The following PCID2 variants were observed in gnomAD, a reference collection of about 807,000 sequenced individuals.
PCID2 encodes PCI domain-containing protein 2.
Under a neutral mutation model 61.3 loss-of-function variants are expected in PCID2, and 41 were observed. The observed-to-expected ratio is 0.67, with a 90% CI of 0.52 to 0.87. The LOEUF (loss-of-function observed/expected upper bound fraction) is 0.87, where lower values mean the gene tolerates loss of function less well. Among genes scored for constraint, PCID2 ranks in the 40% least tolerant of loss-of-function variants. The pLI is 0.00. For synonymous variants in PCID2, 187 were observed against 177.8 expected (o/e 1.05, Z -0.41); for missense variants, 392 against 493.4 (o/e 0.79, Z 1.95).
In PCID2 at chr13:113,190,986, A is replaced by T; in HGVS notation, c.364-11T>A. On this transcript the variant is annotated splice_polypyrimidine_tract_variant and intron_variant, in intron 6 of 13. Transcript: ENST00000337344. ...CAACTGTTGATCTGCCTAATAAAATATAAGAACTTTTATTTCATTTTTCCG... is the reference window on the plus strand; with the variant it reads ...CAACTGTTGATCTGCCTAATAAAATTTAAGAACTTTTATTTCATTTTTCCG... The T allele has an allele frequency of 1.3e-6, 2 of 1,585,050 alleles. No individual in the cohort carries two copies. The highest frequency in any genetic ancestry group is 1.7e-6 in the Non-Finnish European group (2 of 1,154,680).
At chr13:113,171,637 G>A in the PCID2 span, 12 of 1,614,012 alleles carry the variant, frequency 7.4e-6, no homozygotes, top group Middle Eastern at 1.6e-4. The surrounding 1 kb of genome is among the most constrained non-coding windows in gnomAD (Gnocchi z 5.1). Flanking sequence ...TCAAGATAAC[G>A]CACGTCCATG....
chr13:113,184,737 CA>C (rs1216419918), intron 8 of PCID2, among the ~76,000 whole-genome samples: 1 of 151,848 alleles, frequency 6.6e-6, no homozygotes, highest in African/African-American at 2.4e-5. Context: ...GAAGCTGTTC[CA>C]GGGGGCGCAG....
the PCID2 span, chr13:113,170,313 G>A: frequency 1.4e-6 from 1 of 721,514 alleles, no homozygotes; most frequent in South Asian, 1.5e-5. Context: ...GGGTGGGGGT[G>A]GGGGTGGGGG....
the PCID2 span, among the ~76,000 whole-genome samples, chr13:113,165,570 A>C: frequency 1.3e-5 from 2 of 151,970 alleles, no homozygotes; most frequent in African/African-American, 4.8e-5. Flanking sequence ...TCAATCTGTC[A>C]CCCAGCCTGG....
At chr13:113,197,618 A>G (rs1170076051) in intron 3 of PCID2, among the ~76,000 whole-genome samples, 1 of 152,222 alleles carries the variant, frequency 6.6e-6, no homozygotes, top group Non-Finnish European at 1.5e-5. Flanking sequence ...AGAGCTAGGA[A>G]ATCACAGGTG....
chr13:113,167,806 C>T, the PCID2 span, among the ~76,000 whole-genome samples: 3 of 133,836 alleles, frequency 2.2e-5, no homozygotes, highest in African/African-American at 5.3e-5. Context: ...GATATGTTTA[C>T]GGTTAAAGCT....
At chr13:113,165,274 A>G in the PCID2 span, 1 of 748,970 alleles carries the variant, frequency 1.3e-6, no homozygotes, top group Non-Finnish European at 2.3e-6. Context: ...CACACTTCCA[A>G]CCATGTTCTA....
chr13:113,193,294 C>T (rs2038759890), intron 6 of PCID2, among the ~76,000 whole-genome samples: 1 of 152,112 alleles, frequency 6.6e-6, no homozygotes. Flanking sequence ...AAAAAACTGC[C>T]TCTTGGAGTT....
intron 13 of PCID2, chr13:113,178,606 G>GT: frequency 8.5e-6 from 3 of 354,476 alleles, no homozygotes; most frequent in Middle Eastern, 9.1e-4. Flanking sequence ...AGTGCACTGA[G>GT]TATTTTAAGT....
chr13:113,182,385 A>C (rs971839088), intron 9 of PCID2, among the ~76,000 whole-genome samples: 2 of 152,222 alleles, frequency 1.3e-5, no homozygotes, highest in African/African-American at 4.8e-5. Context: ...ATTCACTGAG[A>C]GTCTGCAATA....
intron 10 of PCID2, 56 bp from the exon 11 acceptor site, chr13:113,180,287 GATAA>G (rs1297171919): frequency 1.2e-5 from 16 of 1,321,292 alleles, no homozygotes; most frequent in Non-Finnish European, 1.5e-5. Flanking sequence ...AATTGTCCTT[GATAA>G]ATATTCATAT....
chr13:113,206,084 AAC>A (rs2039788889), intron 1 of PCID2, among the ~76,000 whole-genome samples: 1 of 152,240 alleles, frequency 6.6e-6, no homozygotes, highest in African/African-American at 2.4e-5. Flanking sequence ...CCCTGGAGGA[AAC>A]AGAGAGTCAA....
intron 3 of PCID2, among the ~76,000 whole-genome samples, chr13:113,197,897 C>G (rs976917453): frequency 2.0e-5 from 3 of 152,190 alleles, no homozygotes; most frequent in African/African-American, 7.2e-5. Context: ...TAAAGAGCTT[C>G]AAAAACAGAC....
chr13:113,198,631 G>A (rs188278420), intron 2 of PCID2, among the ~76,000 whole-genome samples: 1 of 152,192 alleles, frequency 6.6e-6, no homozygotes, highest in Non-Finnish European at 1.5e-5. Flanking sequence ...CTTGAACATG[G>A]GTGGGGGAGG....
the PCID2 span, among the ~76,000 whole-genome samples, chr13:113,166,611 A>T: frequency 1.3e-5 from 2 of 152,234 alleles, no homozygotes; most frequent in Admixed American, 1.3e-4. Flanking sequence ...AGGGAGGCAA[A>T]GCAGACGGAG....
chr13:113,168,110 C>T, the PCID2 span, among the ~76,000 whole-genome samples: 1 of 152,224 alleles, frequency 6.6e-6, no homozygotes, highest in African/African-American at 2.4e-5. Flanking sequence ...CTTACATCTA[C>T]AGATGTTATA....
the PCID2 span, among the ~76,000 whole-genome samples, chr13:113,167,220 C>T: frequency 2.0e-5 from 3 of 152,176 alleles, no homozygotes; most frequent in Non-Finnish European, 2.9e-5. Context: ...CGTCTTCTCT[C>T]GAACTTGGTT....
the PCID2 span, chr13:113,165,097 G>C: frequency 1.2e-6 from 2 of 1,612,478 alleles, no homozygotes; most frequent in African/African-American, 1.3e-5. Flanking sequence ...GCGTGCACCG[G>C]ATCTACAGGA....
chr13:113,200,304 T>C (rs527296374), intron 2 of PCID2, 123 bp downstream of exon 2: 1 of 653,338 alleles, frequency 1.5e-6, no homozygotes, highest in East Asian at 2.7e-5. Flanking sequence ...AAAGAAACTT[T>C]AAAATTTTCA....
Sources: allele counts gnomAD v4.1 joint callset (sites outside exome capture counted in the v4.1 genomes callset), GRCh38; gene constraint gnomAD v4.1.1; non-coding constraint Gnocchi (gnomAD v3.1); transcripts MANE v1.5; gene names NCBI Gene and HGNC (gene_info 2026-07-23, HGNC 2026-07-21).